SUN1: variants seen among roughly 807,000 people sequenced by gnomAD.
SUN1 encodes the protein SUN domain-containing protein 1.
In SUN1, 61 loss-of-function variants were observed where a neutral mutation model predicts 103.2. The ratio of observed to expected loss-of-function variants is 0.59; its 90% CI spans 0.48 to 0.73. The LOEUF is 0.73. Ranked by LOEUF, SUN1 falls within the 30% of genes least tolerant of loss-of-function variation. The pLI is 0.00. For missense variants in SUN1, 1,052 were observed against 1,034.6 expected, an observed-to-expected ratio of 1.02 and a Z score of -0.23; for synonymous variants, 490 against 425.7, an observed-to-expected ratio of 1.15 and a Z score of -1.86.
intron 5 of SUN1, among the ~76,000 whole-genome samples, chr7:845,452 T>C (rs1814609014): frequency 6.6e-6 from 1 of 152,170 alleles, no homozygotes; most frequent in Non-Finnish European, 1.5e-5. Context: ...TGTATCGCCC[T>C]GTATTAGAGT....
rs530965779 is a variant in SUN1, at chr7:856,512, C to T, written c.1394+111C>T. On this transcript the variant is annotated intron_variant, in intron 12 of 18. Transcript: ENST00000401592. ...CCCGGGGCCGGCCTCCCCCGAGGGT[C>T]ACCTGAAGGCCCTGAGGTTCGTGCC... The T allele has an allele frequency of 5.0e-6, 6 of 1,209,750 alleles. No individual in the cohort carries two copies. The East Asian group carries it at 1.4e-4, about 29-fold the overall frequency. The allele number at this position is 1,209,750 out of a possible 1,614,324, so 74.9% of individuals were successfully genotyped here.
intron 5 of SUN1, chr7:848,498 C>G: frequency 2.2e-6 from 3 of 1,364,208 alleles, no homozygotes; most frequent in Non-Finnish European, 2.9e-6. Context: ...TTTAGTTCAA[C>G]TTTTTCAAGT....
chr7:859,213 T>A (rs1350034852), intron 13 of SUN1, among the ~76,000 whole-genome samples: 1 of 151,708 alleles, frequency 6.6e-6, no homozygotes. Context: ...AGCTGAGTCC[T>A]ACTGATGGGA....
At chr7:870,912 C>T (rs1413464114) in intron 17 of SUN1, among the ~76,000 whole-genome samples, 8 of 127,588 alleles carry the variant, frequency 6.3e-5, no homozygotes, top group Non-Finnish European at 9.5e-5. Flanking sequence ...TTTTTTGAGA[C>T]GGAGTCTTGG....
chr7:872,853 C>T (rs1227806249), intron 18 of SUN1, among the ~76,000 whole-genome samples: 1 of 152,238 alleles, frequency 6.6e-6, no homozygotes, highest in Non-Finnish European at 1.5e-5. Flanking sequence ...CTTTGCGGGG[C>T]CGAGGCAGGC....
intron 1 of SUN1, among the ~76,000 whole-genome samples, chr7:821,294 T>A (rs2128137495): frequency 6.6e-6 from 1 of 151,250 alleles, no homozygotes; most frequent in Middle Eastern, 3.5e-3. Context: ...CTTAGCCTCC[T>A]GAGTAGGTGG....
chr7:873,076 G>T, intron 18 of SUN1, 139 bp from the exon 19 acceptor site: 1 of 807,418 alleles, frequency 1.2e-6, no homozygotes, highest in Non-Finnish European at 2.1e-6. Flanking sequence ...GACAGGGCAA[G>T]ACTCTGTCTC....
At chr7:817,482 C>T in intron 1 of SUN1, 1 of 1,535,984 alleles carries the variant, frequency 6.5e-7, no homozygotes, top group Non-Finnish European at 8.7e-7. Flanking sequence ...CCCGGCTCCC[C>T]AGGGCTCCCC....
upstream of SUN1, chr7:816,191 C>CAA: frequency 3.5e-6 from 1 of 283,080 alleles, no homozygotes; most frequent in Non-Finnish European, 6.4e-6. Context: ...GCAGACCCCT[C>CAA]CCCCAGGTGC....
rs933428121 is a variant in SUN1, at chr7:869,418, A to G, written c.2050A>G (p.Met684Val). 1.7e-5 allele frequency: 27 copies of G among 1,613,896 alleles called. No individual in the cohort carries two copies. Among genetic ancestry groups the G allele is most frequent in the Middle Eastern group, 1.7e-4 (1 of 6,056 alleles). ...GGGGTACCTGGTGGTGAGGCTCTCC[A>G]TGATGATCCACCCAGCCGCCTTCAC... ...SQGYLVVRLS[M>V]MIHPAAFTLE... The change falls in exon 17 of 19, where the codon ATG (methionine) becomes GTG (valine). Residue 684 changes from methionine to valine, a missense_variant. Met to Val is a conservative substitution (Grantham distance 21). This residue lies in a region of SUN1 where 206 missense variants were observed against 260.1 expected (regional missense o/e 0.79). Coordinates refer to ENST00000401592, the MANE Select transcript of SUN1 (RefSeq NM_001130965.3).
rs1403321463 is a variant in SUN1 at position 853,549 on chromosome 7, C to T, written c.1194C>T (p.Asp398=). The T allele has an allele frequency of 1.9e-6, 3 of 1,612,750 alleles. No homozygotes were observed. In the African/African-American group the frequency reaches 4.0e-5, roughly 22 times the overall value. Residue 398 remains aspartate (D), a synonymous_variant, in exon 10 of 19, where the codon GAC becomes GAT. Coordinates refer to ENST00000401592, the MANE Select transcript of SUN1 (RefSeq NM_001130965.3). The part of the protein sequence containing the change: ...TLLQKLQARV[D]QMEGGAAGPS... ...TACAGAAGCTGCAGGCTCGGGTGGA[C>T]CAGATGGAAGGCGGCGCTGCCGGGC...
chr7:868,496 G>T, intron 16 of SUN1: 2 of 306,892 alleles, frequency 6.5e-6, no homozygotes, highest in South Asian at 5.4e-5. Flanking sequence ...GTCGGATGGG[G>T]GGGCAGTGCT....
intron 5 of SUN1, chr7:849,838 C>T (rs1820184599): frequency 1.4e-6 from 2 of 1,396,884 alleles, no homozygotes; most frequent in Admixed American, 3.7e-5. Flanking sequence ...CCAGTTTCTA[C>T]AGACTGCCAT....
At chr7:852,719 T>C (rs1823420891) in intron 8 of SUN1, 52 bp downstream of exon 8, 7 of 1,613,966 alleles carry the variant, frequency 4.3e-6, no homozygotes, top group Non-Finnish European at 5.9e-6. Flanking sequence ...TACACACATA[T>C]GTGTAACTTA....
intron 5 of SUN1, among the ~76,000 whole-genome samples, chr7:849,271 G>A (rs1819559848): frequency 6.6e-6 from 1 of 152,228 alleles, no homozygotes; most frequent in Admixed American, 6.5e-5. Context: ...ATTTTAAGCA[G>A]GCCAATCTTT....
At chr7:828,550 G>T (rs1211059344), upstream of SUN1, among the ~76,000 whole-genome samples, 1 of 152,200 alleles carries the variant, frequency 6.6e-6, no homozygotes. Context: ...GGGATTACAG[G>T]TGTGAGCCAC....
chr7:833,788 A>C (rs1222064167), intron 1 of SUN1, among the ~76,000 whole-genome samples: 1 of 152,238 alleles, frequency 6.6e-6, no homozygotes, highest in African/African-American at 2.4e-5. Context: ...GTTTTCTAAG[A>C]GTCCTGTAGT....
At chr7:831,479 CG>C (rs1297729477), upstream of SUN1, among the ~76,000 whole-genome samples, 27 of 151,988 alleles carry the variant, frequency 1.8e-4, no homozygotes, top group Non-Finnish European at 3.4e-4. Flanking sequence ...ACCGTGTTAG[CG>C]AGGATGGTCT....
At chr7:828,406 G>A (rs553354640), upstream of SUN1, among the ~76,000 whole-genome samples, 118 of 151,608 alleles carry the variant, frequency 7.8e-4, 1 homozygote, top group African/African-American at 2.8e-3. Flanking sequence ...TGAGTAGCTG[G>A]GATTACAGGC....
Sources: gnomAD v4.1 joint callset for allele counts (sites outside exome capture counted in the v4.1 genomes callset) on GRCh38, gnomAD v4.1.1 for gene constraint, gnomAD v4.1.1 regional missense constraint, MANE v1.5 for transcripts, NCBI Gene and HGNC (gene_info 2026-07-23, HGNC 2026-07-21) for gene names.